Variants in CCDC191 observed in about 807,000 individuals in gnomAD.
CCDC191 encodes coiled-coil domain containing 191.
A neutral mutation model predicts 114.0 loss-of-function variants in CCDC191; 99 were observed. The ratio of observed to expected loss-of-function variants is 0.87; its 90% CI spans 0.74 to 1.03. The LOEUF is 1.03. Ranked by LOEUF, CCDC191 falls within the 50% of genes least tolerant of loss-of-function variation. CCDC191 has a pLI of 0.00. For missense variants in CCDC191, 973 were observed against 1,087.0 expected (o/e 0.90, Z 1.47); for synonymous variants, 351 against 376.0 (o/e 0.93, Z 0.77).
chr3:114,036,515 A>G (rs1256141004), intron 5 of CCDC191, 93 bp downstream of exon 5: 2 of 846,432 alleles, frequency 2.4e-6, no homozygotes, highest in African/African-American at 1.7e-5. Context: ...ACCCTTTTTC[A>G]TAATAAAGCC....
chr3:114,012,138 G>A (rs2076080751), intron 8 of CCDC191, among the ~76,000 whole-genome samples: 1 of 152,100 alleles, frequency 6.6e-6, no homozygotes, highest in African/African-American at 2.4e-5. Context: ...CATTTCTACA[G>A]TTCTTAAATG....
At chr3:114,051,997 G>A (rs1012134300) in intron 2 of CCDC191, among the ~76,000 whole-genome samples, 2 of 152,216 alleles carry the variant, frequency 1.3e-5, no homozygotes, top group Non-Finnish European at 2.9e-5. Flanking sequence ...TGGTCAGGAA[G>A]TCATTTATGA....
chr3:114,018,573 G>T (rs1355743070), intron 8 of CCDC191, 105 bp downstream of exon 8: 2 of 890,576 alleles, frequency 2.2e-6, no homozygotes, highest in Admixed American at 2.6e-5. Context: ...TTCATAAGTG[G>T]TTAAGATTAT....
intron 13 of CCDC191, among the ~76,000 whole-genome samples, chr3:113,997,857 C>T (rs1005006962): frequency 6.6e-6 from 1 of 152,128 alleles, no homozygotes; most frequent in Non-Finnish European, 1.5e-5. Context: ...TAGTGCCACA[C>T]ATTACTCAAG....
At chr3:113,967,918 T>C (rs1940381400) in intron 16 of CCDC191, among the ~76,000 whole-genome samples, 1 of 152,228 alleles carries the variant, frequency 6.6e-6, no homozygotes, top group African/African-American at 2.4e-5. Context: ...CTTATTTCAC[T>C]TAACACAGTG....
chr3:114,040,830 A>G (rs938246474), intron 4 of CCDC191, among the ~76,000 whole-genome samples: 2 of 152,068 alleles, frequency 1.3e-5, no homozygotes, highest in Admixed American at 6.6e-5. Context: ...TGTTTTCTAC[A>G]TGTCTTATGT....
At chr3:113,972,402 T>TCA (rs1940911880) in intron 16 of CCDC191, among the ~76,000 whole-genome samples, 2 of 152,206 alleles carry the variant, frequency 1.3e-5, no homozygotes, top group Non-Finnish European at 2.9e-5. Flanking sequence ...TTCCTCTTAC[T>TCA]GATTCCTAAT....
intron 11 of CCDC191, chr3:114,003,428 G>C (rs937839520): frequency 3.0e-6 from 3 of 985,352 alleles, no homozygotes; most frequent in Non-Finnish European, 3.6e-6. Context: ...GAAAAAGAAT[G>C]GTAGTGCCAC....
At chr3:114,008,018 G>A (rs924201104) in intron 9 of CCDC191, among the ~76,000 whole-genome samples, 9 of 145,372 alleles carry the variant, frequency 6.2e-5, no homozygotes, top group African/African-American at 1.8e-4. Flanking sequence ...GTTCCCTTGA[G>A]TCTAAATATA....
intron 7 of CCDC191, among the ~76,000 whole-genome samples, chr3:114,023,071 A>G (rs964025089): frequency 3.3e-5 from 5 of 152,226 alleles, no homozygotes; most frequent in Non-Finnish European, 5.9e-5. Flanking sequence ...AATAACAAAC[A>G]GAGAGCCAAA....
chr3:114,007,490 A>G (rs1433647182), intron 9 of CCDC191, among the ~76,000 whole-genome samples: 1 of 152,230 alleles, frequency 6.6e-6, no homozygotes, highest in Non-Finnish European at 1.5e-5. Context: ...TATTCATGAG[A>G]ACACCTGCTT....
intron 7 of CCDC191, among the ~76,000 whole-genome samples, chr3:114,019,886 T>C (rs1306582651): frequency 2.0e-5 from 3 of 152,144 alleles, no homozygotes; most frequent in Admixed American, 6.6e-5. Flanking sequence ...TAACAATCTA[T>C]GCTTTCTTCA....
chr3:114,048,714 C>T lies in CCDC191; in HGVS notation c.130-1982G>A, dbSNP rs549643416. Among the ~76,000 whole-genome samples the T allele has an allele frequency of 3.0e-4, 46 of 152,306 alleles. 1 individual carries two copies. The East Asian group carries it at 6.7e-3, about 22-fold the overall frequency. On this transcript the variant is annotated intron_variant, in intron 2 of 16. Transcript: ENST00000295878. ...ACTCTCCTCCAGCTCTCCTTCTCCCCGTCCTCTGCTCTGATTGTCTCTATA... is the reference window on the plus strand; with the variant it reads ...ACTCTCCTCCAGCTCTCCTTCTCCCTGTCCTCTGCTCTGATTGTCTCTATA...
At chr3:114,031,603 T>A in intron 7 of CCDC191, 23 bp downstream of exon 7, 1 of 1,581,802 alleles carries the variant, frequency 6.3e-7, no homozygotes, top group Non-Finnish European at 8.7e-7. Flanking sequence ...GAATGCTGAG[T>A]AAAGAGACAT....
chr3:114,045,399 T>A (rs2076615853), intron 3 of CCDC191, among the ~76,000 whole-genome samples: 1 of 152,076 alleles, frequency 6.6e-6, no homozygotes, highest in Non-Finnish European at 1.5e-5. Flanking sequence ...TGAGATGGAG[T>A]CTCGCTCTGT....
intron 13 of CCDC191, among the ~76,000 whole-genome samples, chr3:113,981,114 T>C (rs1006609100): frequency 1.3e-5 from 2 of 152,112 alleles, no homozygotes; most frequent in Admixed American, 6.6e-5. Flanking sequence ...ATCAGGATTT[T>C]CCCCCTCATT....
In CCDC191 at chr3:114,034,978, CT is replaced by C. The variant is rs780367512; in HGVS notation, c.764del (p.Lys255SerfsTer6). The C allele has an allele frequency of 3.7e-6, 6 of 1,614,090 alleles. No homozygotes were observed. The highest frequency in any genetic ancestry group is 5.1e-6 in the Non-Finnish European group (6 of 1,179,990). ...TCCTCTCAATTATCTCCCTCCGCAG[CT>C]TCACCATCTCCCTTTGAATCTCCTC... ...EEEEIQREMVKLRREIIERRR... is the reference protein window; with the variant it reads ...EEEEIQREMVXLRREIIERRR... On this transcript the variant is annotated frameshift_variant, in exon 6 of 17. Transcript: ENST00000295878. LOFTEE classifies it high-confidence loss of function.
intron 13 of CCDC191, among the ~76,000 whole-genome samples, chr3:113,998,768 A>G (rs917987245): frequency 2.6e-5 from 4 of 152,162 alleles, no homozygotes; most frequent in African/African-American, 4.8e-5. Flanking sequence ...CAGACACTCT[A>G]TCTAGATATG....
intron 7 of CCDC191, among the ~76,000 whole-genome samples, chr3:114,024,875 T>C (rs1015482345): frequency 1.3e-5 from 2 of 152,128 alleles, no homozygotes; most frequent in Non-Finnish European, 2.9e-5. Context: ...ATCTTTGTCA[T>C]GGCAAAATAA....
Sources: gnomAD v4.1 joint callset for allele counts (sites outside exome capture counted in the v4.1 genomes callset) on GRCh38, gnomAD v4.1.1 for gene constraint, MANE v1.5 for transcripts, NCBI Gene and HGNC (gene_info 2026-07-23, HGNC 2026-07-21) for gene names.